Variants in DISP1 observed in about 807,000 individuals in gnomAD.
DISP1 encodes protein dispatched homolog 1.
A neutral mutation model predicts 37.3 loss-of-function variants in DISP1; 30 were observed. The ratio of observed to expected loss-of-function variants is 0.80; its 90% confidence interval spans 0.60 to 1.09. The LOEUF (loss-of-function observed/expected upper bound fraction) is 1.09. DISP1 is among the 50% of genes least tolerant of loss of function. DISP1 has a pLI of 0.00. For synonymous variants in DISP1, 634 were observed against 690.2 expected (o/e 0.92, Z 1.28); for missense variants, 1,598 against 1,879.5 (o/e 0.85, Z 2.77).
intron 3 of DISP1, among the ~76,000 whole-genome samples, chr1:222,980,410 A>AGTGTGTGTGTGTGTGTGTGT (rs3028495): frequency 3.4e-5 from 5 of 148,056 alleles, no homozygotes; most frequent in African/African-American, 1.2e-4. Context: ...GATGTAACAA[A>AGTGTGTGTGTGTGTGTGTGT]GTGTGTGTGT....
chr1:222,985,159 AT>A (rs1203675375), intron 4 of DISP1, among the ~76,000 whole-genome samples: 2 of 152,224 alleles, frequency 1.3e-5, no homozygotes, highest in Non-Finnish European at 2.9e-5. Context: ...ATGACTAAAA[AT>A]TTTACTTTGA....
intron 4 of DISP1, among the ~76,000 whole-genome samples, chr1:222,985,718 C>T (rs767980703): frequency 6.6e-6 from 1 of 152,078 alleles, no homozygotes; most frequent in Non-Finnish European, 1.5e-5. Context: ...ATTTGTGTGC[C>T]TGTCTTATTT....
chr1:222,891,520 C>G (rs187738195), intron 1 of DISP1, among the ~76,000 whole-genome samples: 123 of 151,942 alleles, frequency 8.1e-4, no homozygotes, highest in Non-Finnish European at 1.5e-3. Flanking sequence ...GGGCTGAGAC[C>G]TAGAACCTTA....
chr1:222,881,123 ATTTG>A (rs1670248532), intron 1 of DISP1, among the ~76,000 whole-genome samples: 1 of 152,186 alleles, frequency 6.6e-6, no homozygotes, highest in Non-Finnish European at 1.5e-5. Context: ...TTAATTTTTA[ATTTG>A]TTTGACCTTG....
At chr1:222,868,711 T>C (rs1669342872) in intron 1 of DISP1, among the ~76,000 whole-genome samples, 1 of 152,132 alleles carries the variant, frequency 6.6e-6, no homozygotes, top group Non-Finnish European at 1.5e-5. Context: ...GTGAATTGAC[T>C]CTACTCTGGT....
chr1:222,881,570 C>T (rs1474226895), intron 1 of DISP1, among the ~76,000 whole-genome samples: 2 of 152,160 alleles, frequency 1.3e-5, no homozygotes, highest in African/African-American at 4.8e-5. Flanking sequence ...ACAAGATGTT[C>T]AGATGGGGTG....
chr1:222,844,692 T>C (rs566914793), intron 1 of DISP1, among the ~76,000 whole-genome samples: 19 of 152,242 alleles, frequency 1.2e-4, no homozygotes, highest in African/African-American at 4.3e-4. Context: ...TGTTTCTTAG[T>C]GAGACATTGA....
chr1:222,843,217 A>G (rs1191222226), intron 1 of DISP1, among the ~76,000 whole-genome samples: 2 of 152,080 alleles, frequency 1.3e-5, no homozygotes, highest in Non-Finnish European at 2.9e-5. Context: ...ATGCAGTGTT[A>G]TCACTGCAAA....
chr1:222,936,921 A>G (rs1443859108), intron 2 of DISP1, among the ~76,000 whole-genome samples: 2 of 60,484 alleles, frequency 3.3e-5, no homozygotes, highest in Non-Finnish European at 6.7e-5. Context: ...ATTATATATT[A>G]TATAATATGT....
At chr1:222,911,300 T>C (rs1672195633) in intron 1 of DISP1, among the ~76,000 whole-genome samples, 1 of 152,178 alleles carries the variant, frequency 6.6e-6, no homozygotes, top group Non-Finnish European at 1.5e-5. Flanking sequence ...GAGAGAATCT[T>C]CTGTAAACCA....
At chr1:222,915,743 A>G (rs1348823510) in intron 1 of DISP1, among the ~76,000 whole-genome samples, 1 of 152,236 alleles carries the variant, frequency 6.6e-6, no homozygotes, top group Non-Finnish European at 1.5e-5. Context: ...TACTAACAGC[A>G]TGGTGATAAA....
In DISP1 at chr1:222,914,649, C is replaced by T. The variant is rs114869803; in HGVS notation, c.-158-13781C>T. ...TGTAAAACTTAGTTTTTGGCAATGT[C>T]AAAAGGTGTAAATAAGTTAAGATCA... On this transcript the variant is annotated intron_variant, in intron 1 of 8. Coordinates refer to ENST00000675850, the MANE Select transcript of DISP1 (RefSeq NM_001377229.1). Among the ~76,000 whole-genome samples the T allele has an allele frequency of 4.1e-3, 588 of 142,958 alleles. 2 individuals are homozygous for T. Among genetic ancestry groups the T allele is most frequent in the Non-Finnish European group, 7.1e-3 (463 of 65,290 alleles). 93.8% of individuals were successfully genotyped at this position (142,958 alleles called of 152,430 possible).
chr1:222,966,437 GAAAA>G (rs112898785), intron 3 of DISP1, among the ~76,000 whole-genome samples: 4 of 152,158 alleles, frequency 2.6e-5, no homozygotes, highest in African/African-American at 9.6e-5. Flanking sequence ...AACTTCAAGA[GAAAA>G]AAATCAATTA....
chr1:222,824,902 GA>G (rs962194943), intron 1 of DISP1, among the ~76,000 whole-genome samples: 3 of 152,156 alleles, frequency 2.0e-5, no homozygotes, highest in Admixed American at 6.5e-5. Context: ...ATTGCCAGCT[GA>G]AAAGGATAAT....
chr1:222,875,124 G>A (rs1272458183), intron 1 of DISP1, among the ~76,000 whole-genome samples: 1 of 152,052 alleles, frequency 6.6e-6, no homozygotes, highest in African/African-American at 2.4e-5. Context: ...ATAATGGGAT[G>A]GGGTAGGTGA....
At chr1:222,858,160 A>C (rs1337130954) in intron 1 of DISP1, among the ~76,000 whole-genome samples, 2 of 152,218 alleles carry the variant, frequency 1.3e-5, no homozygotes, top group African/African-American at 4.8e-5. Flanking sequence ...GATCTTCCAC[A>C]GACCTGATAA....
At chr1:222,848,648 C>G (rs949385932) in intron 1 of DISP1, among the ~76,000 whole-genome samples, 1 of 152,094 alleles carries the variant, frequency 6.6e-6, no homozygotes, top group African/African-American at 2.4e-5. Flanking sequence ...TTAACAAATA[C>G]CTGTGCAGCA....
intron 1 of DISP1, among the ~76,000 whole-genome samples, chr1:222,925,270 G>A (rs1218326742): frequency 6.6e-6 from 1 of 151,942 alleles, no homozygotes; most frequent in Non-Finnish European, 1.5e-5. Context: ...ACAGGTCTTT[G>A]GTTTTTGTGA....
At chr1:222,833,025 A>G (rs1368687550) in intron 1 of DISP1, among the ~76,000 whole-genome samples, 1 of 152,106 alleles carries the variant, frequency 6.6e-6, no homozygotes, top group Non-Finnish European at 1.5e-5. Context: ...TCTTGTACCC[A>G]TCTCTTCAGC....
Sources: allele counts gnomAD v4.1 joint callset (sites outside exome capture counted in the v4.1 genomes callset), GRCh38; gene constraint gnomAD v4.1.1; transcripts MANE v1.5; gene names NCBI Gene and HGNC (gene_info 2026-07-23, HGNC 2026-07-21).